Variants in ATR observed in about 807,000 individuals in gnomAD.
ATR encodes ATR checkpoint kinase.
A neutral mutation model predicts 305.3 loss-of-function variants in ATR; 142 were observed. That is an observed-to-expected ratio of 0.47 (90% CI 0.41 to 0.53). The LOEUF is 0.53. Among genes scored for constraint, ATR ranks in the 20% least tolerant of loss-of-function variants. ATR has a pLI of 0.00. For missense variants in ATR, 2,135 were observed against 3,133.1 expected (o/e 0.68, Z 7.60); for synonymous variants, 1,050 against 1,068.1 (o/e 0.98, Z 0.33).
At chr3:142,452,239 C>G (rs938468617) in intron 46 of ATR, 1 of 995,118 alleles carries the variant, frequency 1.0e-6, no homozygotes, top group Non-Finnish European at 1.2e-6. Flanking sequence ...AGGTAGTTAA[C>G]TGGAATGTAA....
intron 8 of ATR, 97 bp downstream of exon 8, chr3:142,558,527 T>C: frequency 3.8e-6 from 1 of 259,900 alleles, no homozygotes. Flanking sequence ...GTCTCAAAAA[T>C]AAATAAATAA....
chr3:142,538,670 A>G (rs2108433345), intron 18 of ATR, 45 bp from the exon 19 acceptor site: 1 of 1,606,872 alleles, frequency 6.2e-7, no homozygotes, highest in South Asian at 1.1e-5. Flanking sequence ...TACTTTTATT[A>G]TTTGTAAAGC....
At chr3:142,457,566 G>A in intron 45 of ATR, 38 bp downstream of exon 45, 1 of 1,611,114 alleles carries the variant, frequency 6.2e-7, no homozygotes, top group Non-Finnish European at 8.5e-7. Context: ...TTATATTCGA[G>A]GTTACTGTTA....
At chr3:142,525,075 C>T (rs2033314360) in intron 21 of ATR, among the ~76,000 whole-genome samples, 1 of 152,158 alleles carries the variant, frequency 6.6e-6, no homozygotes, top group African/African-American at 2.4e-5. Flanking sequence ...TAGCTGATTT[C>T]TTAAATAACA....
At chr3:142,566,020 C>A in intron 3 of ATR, 101 bp downstream of exon 3, 1 of 1,526,546 alleles carries the variant, frequency 6.6e-7, no homozygotes, top group Non-Finnish European at 9.0e-7. Context: ...CAAAGCTGAC[C>A]CAAAAAAGTA....
intron 30 of ATR, among the ~76,000 whole-genome samples, chr3:142,502,970 T>TA (rs1429609487): frequency 9.9e-5 from 15 of 152,178 alleles, no homozygotes; most frequent in Non-Finnish European, 2.1e-4. Flanking sequence ...TCATTTAGGG[T>TA]AAAATCAATG....
intron 34 of ATR, 25 bp downstream of exon 34, chr3:142,496,336 A>ATACATATATC (rs531114901): frequency 1.9e-6 from 1 of 522,178 alleles, no homozygotes; most frequent in Non-Finnish European, 3.1e-6. Context: ...ATATATATAT[A>ATACATATATC]TGATGACATT....
At chr3:142,458,728 G>C (rs999064502) in intron 44 of ATR, among the ~76,000 whole-genome samples, 4 of 152,090 alleles carry the variant, frequency 2.6e-5, no homozygotes, top group African/African-American at 9.7e-5. Context: ...CTAAACCTAT[G>C]CTCTTGGACT....
At chr3:142,502,707 T>C (rs1181484932) in intron 30 of ATR, among the ~76,000 whole-genome samples, 1 of 152,138 alleles carries the variant, frequency 6.6e-6, no homozygotes, top group Admixed American at 6.5e-5. Context: ...TGAGATCCCA[T>C]TCCCTTTTGA....
At chr3:142,571,911 C>T (rs549416484) in intron 1 of ATR, among the ~76,000 whole-genome samples, 8 of 152,110 alleles carry the variant, frequency 5.3e-5, no homozygotes, top group Non-Finnish European at 1.0e-4. Context: ...GGATTACAGG[C>T]GTGTGCCACC....
intron 31 of ATR, chr3:142,499,209 C>A: frequency 2.8e-6 from 1 of 354,574 alleles, no homozygotes; most frequent in Non-Finnish European, 5.4e-6. Context: ...AACAACTAAA[C>A]AAGGCAATCA....
intron 23 of ATR, among the ~76,000 whole-genome samples, chr3:142,521,310 T>C (rs890574808): frequency 6.6e-6 from 1 of 152,180 alleles, no homozygotes; most frequent in African/African-American, 2.4e-5. Context: ...TCATTGACAA[T>C]GTACCTGTCA....
In ATR at chr3:142,515,530, A is replaced by G; in HGVS notation, c.4383-15T>C. 6.2e-7 allele frequency: 1 copy of G among 1,603,286 alleles called. No homozygotes were observed. Among genetic ancestry groups the G allele is most frequent in the Non-Finnish European group, 8.5e-7 (1 of 1,170,856 alleles). The stretch of plus-strand genomic sequence containing the variant: ...AACTCTTGTATCTGTAATTTTGAAA[A>G]TTTGTTTATTAAAAAGATAAATCCA... On this transcript the variant is annotated splice_polypyrimidine_tract_variant and intron_variant, in intron 24 of 46. Coordinates refer to ENST00000350721, the MANE Select transcript of ATR (RefSeq NM_001184.4).
intron 32 of ATR, among the ~76,000 whole-genome samples, chr3:142,497,964 T>A (rs988968374): frequency 2.0e-5 from 3 of 152,180 alleles, no homozygotes; most frequent in Non-Finnish European, 4.4e-5. Flanking sequence ...TATAGCTGAG[T>A]AGCTACAGAA....
intron 41 of ATR, among the ~76,000 whole-genome samples, chr3:142,463,712 T>C (rs1318125995): frequency 6.6e-6 from 1 of 152,182 alleles, no homozygotes; most frequent in African/African-American, 2.4e-5. Flanking sequence ...TAAAAAATAA[T>C]CCTCCTTTTC....
At chr3:142,506,464 C>A (rs1203867986) in intron 28 of ATR, among the ~76,000 whole-genome samples, 2 of 152,096 alleles carry the variant, frequency 1.3e-5, no homozygotes, top group African/African-American at 2.4e-5. Flanking sequence ...GAGGCCAAGG[C>A]AGGCAGATCA....
In ATR at chr3:142,550,240, A is replaced by G. The variant is rs779907715; in HGVS notation, c.2868T>C (p.Asn956=). ...CCACATCTTGTTTTCGCACGTCAGC[A>G]TTCTGGCATGGAGTATTCGGAAGTG... is the stretch of plus-strand genomic sequence containing the variant. The part of the protein sequence containing the change: ...MTALPNTPCQ[N]ADVRKQDVAH... Residue 956 remains asparagine (N), a synonymous_variant, in exon 14 of 47, where the codon AAT becomes AAC. Transcript: ENST00000350721. The G allele has an allele frequency of 1.9e-6, 3 of 1,614,190 alleles. No individual in the cohort carries two copies. Among genetic ancestry groups the G allele is most frequent in the Admixed American group, 3.3e-5 (2 of 60,020 alleles).
intron 13 of ATR, among the ~76,000 whole-genome samples, chr3:142,552,783 A>C (rs1272485766): frequency 6.6e-6 from 1 of 152,138 alleles, no homozygotes; most frequent in Non-Finnish European, 1.5e-5. Flanking sequence ...CAGCCATAAA[A>C]AGGAACAAGA....
At chr3:142,491,233 A>C (rs2031258568) in intron 35 of ATR, among the ~76,000 whole-genome samples, 2 of 152,288 alleles carry the variant, frequency 1.3e-5, no homozygotes, top group Middle Eastern at 3.4e-3. Context: ...GGAATCATGC[A>C]ATATGTGGCC....
Sources: gnomAD v4.1 joint callset for allele counts (sites outside exome capture counted in the v4.1 genomes callset) on GRCh38, gnomAD v4.1.1 for gene constraint, MANE v1.5 for transcripts, NCBI Gene and HGNC (gene_info 2026-07-23, HGNC 2026-07-21) for gene names.